RMDN2: variants seen among roughly 807,000 people sequenced by gnomAD.
The protein encoded by RMDN2 is regulator of microtubule dynamics 2.
Under a neutral mutation model 52.8 loss-of-function variants are expected in RMDN2, and 61 were observed. The observed-to-expected ratio is 1.16, with a 90% confidence interval of 0.94 to 1.43. The LOEUF (loss-of-function observed/expected upper bound fraction) is 1.43, where lower values mean the gene tolerates loss of function less well. Among genes scored for constraint, RMDN2 ranks in the 40% most tolerant of loss-of-function variants. The probability of loss-of-function intolerance (pLI) is 0.00; values close to 1 mark genes in which losing one functional copy is unlikely to be tolerated. For synonymous variants in RMDN2, 180 were observed against 153.1 expected, an observed-to-expected ratio of 1.18 and a Z score of -1.30; for missense variants, 592 against 475.3, an observed-to-expected ratio of 1.25 and a Z score of -2.28.
chr2:37,983,768 C>G (rs953201692), intron 5 of RMDN2, among the ~76,000 whole-genome samples: 2 of 152,128 alleles, frequency 1.3e-5, no homozygotes, highest in African/African-American at 2.4e-5. Context: ...CTGCTGGACT[C>G]TCTTTAATTA....
chr2:37,981,295 G>A lies in RMDN2; in HGVS notation c.743G>A (p.Ser248Asn). The A allele has an allele frequency of 6.3e-7, 1 of 1,599,114 alleles. No individual in the cohort carries two copies. The highest frequency in any genetic ancestry group is 8.6e-7 in the Non-Finnish European group (1 of 1,166,424). ...TTTTATCTTTCAGGAAAAACTTTAA[G>A]TGAAAGAGCTATTAATAGAGCACCC... ...KHYANIGKTL[S>N]ERAINRAPMN... Residue 248 changes from serine (S) to asparagine (N), a missense_variant, in exon 5 of 11, where the codon AGT (serine) becomes AAT (asparagine). Coordinates refer to ENST00000354545, the MANE Select transcript of RMDN2 (RefSeq NM_001170791.3).
intron 7 of RMDN2, among the ~76,000 whole-genome samples, chr2:37,997,135 T>C (rs1194355160): frequency 6.6e-6 from 1 of 152,132 alleles, no homozygotes; most frequent in Non-Finnish European, 1.5e-5. Context: ...TTGACACAAA[T>C]CTTCTTATCC....
chr2:38,000,855 C>G (rs560475607), intron 8 of RMDN2, among the ~76,000 whole-genome samples: 1 of 152,256 alleles, frequency 6.6e-6, no homozygotes, highest in East Asian at 1.9e-4. Flanking sequence ...GGATAAGAAC[C>G]TAGGGGTGGA....
chr2:38,000,198 C>T (rs980338508), intron 8 of RMDN2, among the ~76,000 whole-genome samples: 22 of 152,110 alleles, frequency 1.4e-4, no homozygotes, highest in African/African-American at 5.1e-4. Context: ...AGCATGCTTC[C>T]CACCTCATCC....
At chr2:37,937,898 T>G (rs1667445002) in intron 2 of RMDN2, among the ~76,000 whole-genome samples, 1 of 152,356 alleles carries the variant, frequency 6.6e-6, no homozygotes, top group East Asian at 1.9e-4. Context: ...TCTTTCCTGA[T>G]TGCTCTGGGC....
At chr2:37,932,937 G>T (rs1189441154) in intron 2 of RMDN2, among the ~76,000 whole-genome samples, 1 of 151,342 alleles carries the variant, frequency 6.6e-6, no homozygotes, top group African/African-American at 2.4e-5. Flanking sequence ...CTCCCTCCCG[G>T]ACGAGGTGGC....
chr2:37,955,861 A>G (rs1669387958), intron 2 of RMDN2, among the ~76,000 whole-genome samples: 1 of 152,060 alleles, frequency 6.6e-6, no homozygotes, highest in East Asian at 1.9e-4. Flanking sequence ...ACATTGGCTG[A>G]TTTTTACATT....
At chr2:38,067,088 A>G in exon 11 of RMDN2, 2 of 1,168,620 alleles carry the variant, frequency 1.7e-6, no homozygotes, top group Non-Finnish European at 2.6e-6. Flanking sequence ...CTGTGAAGTC[A>G]AGTATTTTTA....
intron 10 of RMDN2, among the ~76,000 whole-genome samples, chr2:38,062,775 C>CT (rs1370658625): frequency 8.3e-6 from 1 of 120,276 alleles, no homozygotes; most frequent in Non-Finnish European, 2.0e-5. Context: ...CCCTTCCCCC[C>CT]CCCCACAACA....
intron 10 of RMDN2, among the ~76,000 whole-genome samples, chr2:38,014,124 A>C (rs1352581878): frequency 6.6e-6 from 1 of 152,120 alleles, no homozygotes; most frequent in Non-Finnish European, 1.5e-5. Context: ...AGGCAGGAGA[A>C]TCTCTTGAAC....
At chr2:37,949,226 C>G (rs1668496246) in intron 2 of RMDN2, among the ~76,000 whole-genome samples, 1 of 152,120 alleles carries the variant, frequency 6.6e-6, no homozygotes, top group African/African-American at 2.4e-5. Context: ...AGGCCCTGAT[C>G]ATTCTTTATG....
At chr2:38,064,432 GTGAGC>G (rs34295129) in intron 10 of RMDN2, among the ~76,000 whole-genome samples, 28,167 of 151,660 alleles carry the variant, frequency 0.19, 2,705 homozygotes, top group Middle Eastern at 0.22. Flanking sequence ...GGAGGTTGCA[GTGAGC>G]TGAGATCATA....
chr2:37,970,605 C>G (rs988898282), intron 2 of RMDN2, among the ~76,000 whole-genome samples: 1 of 151,914 alleles, frequency 6.6e-6, no homozygotes, highest in Non-Finnish European at 1.5e-5. Flanking sequence ...TTGAATAAGC[C>G]TAATTATTTG....
At chr2:37,951,599 A>G in intron 2 of RMDN2, 1 of 1,613,372 alleles carries the variant, frequency 6.2e-7, no homozygotes, top group Non-Finnish European at 8.5e-7. Flanking sequence ...GACGTTTCTC[A>G]TCCCGTAAAC....
chr2:37,981,316 C>T lies in RMDN2; in HGVS notation c.764C>T (p.Ala255Val). ...TTAAGTGAAAGAGCTATTAATAGAG[C>T]ACCCATGAATGGACATTGTCATCTG... ...KTLSERAINR[A>V]PMNGHCHLWY... The change falls in exon 5 of 11, where the codon GCA (alanine) becomes GTA (valine). Residue 255 changes from alanine (A) to valine (V), a missense_variant. Physicochemically the swap from Ala to Val is moderately conservative, Grantham distance 64. Transcript: ENST00000354545. The T allele has an allele frequency of 1.2e-6, 2 of 1,607,078 alleles. No individual in the cohort carries two copies. Among genetic ancestry groups the T allele is most frequent in the Non-Finnish European group, 1.7e-6 (2 of 1,173,652 alleles).
chr2:37,936,063 T>C (rs1182720576), intron 2 of RMDN2, among the ~76,000 whole-genome samples: 1 of 152,138 alleles, frequency 6.6e-6, no homozygotes. Context: ...CCCCACCTGC[T>C]GACAGTCCCC....
At chr2:38,021,208 T>C (rs1679344354), downstream of RMDN2, among the ~76,000 whole-genome samples, 2 of 152,138 alleles carry the variant, frequency 1.3e-5, no homozygotes, top group Admixed American at 1.3e-4. Flanking sequence ...AGAACTTTTG[T>C]GTCTAGCTCA....
At position 37,957,181 on chromosome 2, in the gene RMDN2, G is replaced by T. The variant is rs142679139; in HGVS notation, c.453-16859G>T. Among the ~76,000 whole-genome samples the T allele has an allele frequency of 1.3e-3, 193 of 152,276 alleles. 1 individual carries two copies. Among genetic ancestry groups the T allele is most frequent in the African/African-American group, 4.5e-3 (186 of 41,554 alleles). The stretch of plus-strand genomic sequence containing the variant: ...CTTTGGGTATATATCCCGTTAATGG[G>T]ATTGCTGGGTCAAATGTATTTCTAG... On this transcript the variant is annotated intron_variant, in intron 2 of 10. Transcript: ENST00000354545.
chr2:38,006,866 T>G (rs1030869772), intron 10 of RMDN2, among the ~76,000 whole-genome samples: 5 of 152,240 alleles, frequency 3.3e-5, no homozygotes, highest in Non-Finnish European at 5.9e-5. Context: ...CTTATTATTT[T>G]GAGATACGTC....
Sources: gnomAD v4.1 joint callset for allele counts (sites outside exome capture counted in the v4.1 genomes callset) on GRCh38, gnomAD v4.1.1 for gene constraint, MANE v1.5 for transcripts, NCBI Gene and HGNC (gene_info 2026-07-23, HGNC 2026-07-21) for gene names.